The following CA10 variants were observed in gnomAD, a reference collection of about 807,000 sequenced individuals.
CA10 encodes carbonic anhydrase-related protein 10.
CA10 carries 14 observed loss-of-function variants against 44.2 expected under a neutral mutation model. The observed-to-expected ratio is 0.32, with a 90% CI of 0.21 to 0.50. CA10 has a LOEUF of 0.50. Ranked by LOEUF, CA10 falls within the 20% of genes least tolerant of loss-of-function variation. CA10 has a pLI of 0.99. For missense variants in CA10, 350 were observed against 409.7 expected, an observed-to-expected ratio of 0.85 and a Z score of 1.26; for synonymous variants, 159 against 141.6, an observed-to-expected ratio of 1.12 and a Z score of -0.87.
At chr17:51,688,942 CAT>C (rs1915097477) in intron 4 of CA10, among the ~76,000 whole-genome samples, 1 of 152,202 alleles carries the variant, frequency 6.6e-6, no homozygotes. Flanking sequence ...TATATTGACT[CAT>C]GTAATTGTTA....
At chr17:51,632,263 T>C (rs987978922) in intron 8 of CA10, among the ~76,000 whole-genome samples, 1 of 152,336 alleles carries the variant, frequency 6.6e-6, no homozygotes, top group East Asian at 1.9e-4. Flanking sequence ...GTGTCTTATC[T>C]GTCACCCATC....
chr17:51,932,894 T>C (rs1982719705), intron 2 of CA10, among the ~76,000 whole-genome samples: 4 of 58,244 alleles, frequency 6.9e-5, no homozygotes. Context: ...ACTTGTCTTT[T>C]CTAAACTACT....
Position 52,016,023 on chromosome 17 carries a change from T to C in CA10, c.136+56296A>G, listed in dbSNP as rs569257610. Among the ~76,000 whole-genome samples the C allele has an allele frequency of 1.8e-4, 27 of 152,192 alleles. 1 individual carries two copies. The South Asian group carries it at 5.0e-3, about 28-fold the overall frequency. On this transcript the variant is annotated intron_variant, in intron 2 of 8. Transcript: ENST00000451037. ...AGTAGAGGTAGACATTGGAGTCTAC[T>C]TCTGCTCACCTTGGAGTAGACATTG... is the stretch of plus-strand genomic sequence containing the variant.
At chr17:51,952,228 T>G (rs1484675053) in intron 2 of CA10, among the ~76,000 whole-genome samples, 1 of 152,186 alleles carries the variant, frequency 6.6e-6, no homozygotes, top group Non-Finnish European at 1.5e-5. Context: ...TTGCTAAAGC[T>G]GCTATAACAA....
At chr17:51,665,831 G>A (rs1295994761) in intron 4 of CA10, among the ~76,000 whole-genome samples, 1 of 152,206 alleles carries the variant, frequency 6.6e-6, no homozygotes, top group Non-Finnish European at 1.5e-5. Flanking sequence ...CTTGTTAGGT[G>A]GTATGTGACT....
chr17:52,018,354 T>C (rs532351118), intron 2 of CA10, among the ~76,000 whole-genome samples: 2 of 152,218 alleles, frequency 1.3e-5, no homozygotes, highest in South Asian at 4.1e-4. Context: ...CCGTGGGGGC[T>C]GTACCCTGCA....
chr17:51,983,273 C>A (rs747226964), intron 2 of CA10, among the ~76,000 whole-genome samples: 124 of 151,894 alleles, frequency 8.2e-4, no homozygotes, highest in Non-Finnish European at 1.4e-3. Context: ...CTATCTAGGG[C>A]ATTCATAACA....
At chr17:52,071,568 G>A (rs1383009817) in intron 2 of CA10, among the ~76,000 whole-genome samples, 1 of 152,116 alleles carries the variant, frequency 6.6e-6, no homozygotes, top group Admixed American at 6.6e-5. Context: ...TTTCAGTGCC[G>A]GAGTAGAGAT....
intron 2 of CA10, among the ~76,000 whole-genome samples, chr17:52,020,888 G>A (rs1272745857): frequency 1.3e-5 from 2 of 151,988 alleles, no homozygotes; most frequent in Non-Finnish European, 2.9e-5. Context: ...TACCATGTAT[G>A]TGTACATGTA....
intron 2 of CA10, among the ~76,000 whole-genome samples, chr17:52,015,383 G>A (rs1236137137): frequency 5.3e-5 from 8 of 152,060 alleles, no homozygotes; most frequent in Admixed American, 5.3e-4. Flanking sequence ...AATGGAATTT[G>A]TCCCCAATAG....
At chr17:51,655,780 T>C (rs1212886387) in intron 4 of CA10, among the ~76,000 whole-genome samples, 1 of 152,256 alleles carries the variant, frequency 6.6e-6, no homozygotes, top group Admixed American at 6.5e-5. Context: ...TCCTGAGGTG[T>C]AGAGGAACTT....
At chr17:51,808,838 T>C (rs1027426857) in intron 3 of CA10, among the ~76,000 whole-genome samples, 1 of 152,338 alleles carries the variant, frequency 6.6e-6, no homozygotes, top group South Asian at 2.1e-4. Context: ...ATTGTTATTT[T>C]CCTACTTTTC....
intron 6 of CA10, among the ~76,000 whole-genome samples, chr17:51,645,664 T>C (rs1485563628): frequency 6.6e-6 from 1 of 152,228 alleles, no homozygotes; most frequent in Admixed American, 6.5e-5. Flanking sequence ...TGAAAACATC[T>C]TCACTGCAAT....
intron 4 of CA10, among the ~76,000 whole-genome samples, chr17:51,694,495 GTTTT>G (rs548169573): frequency 7.8e-6 from 1 of 127,478 alleles, no homozygotes; most frequent in Non-Finnish European, 1.7e-5. Flanking sequence ...TTTTAATGGG[GTTTT>G]TTTTTTTTTT....
At chr17:51,674,036 G>T (rs1398213150) in intron 4 of CA10, among the ~76,000 whole-genome samples, 2 of 152,196 alleles carry the variant, frequency 1.3e-5, no homozygotes, top group Non-Finnish European at 2.9e-5. Flanking sequence ...TCACCCTCCA[G>T]GTAGAGATGC....
chr17:51,777,701 C>T (rs927032744), intron 3 of CA10, among the ~76,000 whole-genome samples: 2 of 152,160 alleles, frequency 1.3e-5, no homozygotes, highest in Non-Finnish European at 2.9e-5. Context: ...CCCAGCACTT[C>T]GGGTGGACTG....
At chr17:51,975,870 C>T (rs1233124588) in intron 2 of CA10, among the ~76,000 whole-genome samples, 2 of 43,432 alleles carry the variant, frequency 4.6e-5, no homozygotes, top group African/African-American at 9.5e-5. Flanking sequence ...GACTCTGTCT[C>T]GGAAAAAAAA....
At chr17:52,109,457 T>G (rs954157520) in intron 1 of CA10, among the ~76,000 whole-genome samples, 1 of 152,186 alleles carries the variant, frequency 6.6e-6, no homozygotes, top group Admixed American at 6.5e-5. Flanking sequence ...AGAGTTCTAT[T>G]CAGTGTGAGT....
chr17:51,693,677 CTTTT>C (rs569839819), intron 4 of CA10, among the ~76,000 whole-genome samples: 46 of 152,150 alleles, frequency 3.0e-4, no homozygotes, highest in African/African-American at 1.0e-3. Flanking sequence ...TGATTTCATT[CTTTT>C]TTTATTTCTG....
Sources: gnomAD v4.1 joint callset for allele counts (sites outside exome capture counted in the v4.1 genomes callset) on GRCh38, gnomAD v4.1.1 for gene constraint, MANE v1.5 for transcripts, NCBI Gene and HGNC (gene_info 2026-07-23, HGNC 2026-07-21) for gene names.